The following KCNK2 variants were observed in gnomAD, a reference collection of about 807,000 sequenced individuals.
The protein encoded by KCNK2 is potassium channel subfamily K member 2.
A neutral mutation model predicts 40.5 loss-of-function variants in KCNK2; 21 were observed. That is an observed-to-expected ratio of 0.52 (90% CI 0.37 to 0.75). KCNK2 has a LOEUF of 0.75. KCNK2 is among the 30% of genes least tolerant of loss of function. KCNK2 has a pLI of 0.00. For synonymous variants in KCNK2, 191 were observed against 202.2 expected (o/e 0.94, Z 0.47); for missense variants, 399 against 531.6 (o/e 0.75, Z 2.45).
chr1:215,161,976 G>T (rs1663219043), intron 3 of KCNK2, among the ~76,000 whole-genome samples: 1 of 152,086 alleles, frequency 6.6e-6, no homozygotes, highest in African/African-American at 2.4e-5. Flanking sequence ...GGTATTTCTG[G>T]TTCTAGATCC....
rs538476962 is a variant in KCNK2, at chr1:215,021,537, C to CTTTTTTTTT, written c.34+15600_34+15608dup. Among the ~76,000 whole-genome samples the CTTTTTTTTT allele has an allele frequency of 3.8e-4, 37 of 96,322 alleles. 2 individuals are homozygous for CTTTTTTTTT. The highest frequency in any genetic ancestry group is 1.6e-3 in the African/African-American group (36 of 22,554). The allele number at this position is 96,322 out of a possible 152,430, so 63.2% of individuals were successfully genotyped here. A position where few individuals can be genotyped will look rare whatever the true frequency, so the allele number is the denominator to read the frequency against. ...TCTCTTCTGGAGCTGGGACAACCATCTTTTTTTTTTTTTTTTTTTTTTTTT... is the reference window on the plus strand; with the variant it reads ...TCTCTTCTGGAGCTGGGACAACCATCTTTTTTTTTTTTTTTTTTTTTTTTTTTTTTTTTT... On this transcript the variant is annotated intron_variant, in intron 1 of 6. Transcript: ENST00000391895.
intron 1 of KCNK2, among the ~76,000 whole-genome samples, chr1:215,021,680 G>A (rs1656799934): frequency 6.6e-6 from 1 of 151,706 alleles, no homozygotes; most frequent in Non-Finnish European, 1.5e-5. Context: ...CGATTAACTG[G>A]GACTACAGGC....
At chr1:215,138,944 A>T (rs551876718) in intron 3 of KCNK2, among the ~76,000 whole-genome samples, 2 of 152,328 alleles carry the variant, frequency 1.3e-5, no homozygotes, top group South Asian at 4.1e-4. Context: ...GCAACTTAAG[A>T]TAGGTGCTTT....
chr1:215,083,199 C>CCCAA lies in KCNK2; in HGVS notation c.-185_-184insAACC. 1.5e-6 allele frequency: 1 copy of CCCAA among 685,072 alleles called. No homozygotes were observed. Among genetic ancestry groups the CCCAA allele is most frequent in the Non-Finnish European group, 2.4e-6 (1 of 418,386 alleles). The allele number at this position is 685,072 out of a possible 1,614,324, so 42.4% of individuals were successfully genotyped here. On this transcript the variant is annotated 5_prime_UTR_variant, in exon 1 of 7. Transcript: ENST00000444842. ...GATTTCGTTTCTTCTCACGCTCCCC[C>CCCAA]CCCCGCCCCCTCCCGCGTCCAGCCC...
intron 2 of KCNK2, among the ~76,000 whole-genome samples, chr1:215,110,966 A>C (rs1468109017): frequency 6.6e-6 from 1 of 152,170 alleles, no homozygotes; most frequent in African/African-American, 2.4e-5. Flanking sequence ...CCTAAAGAAT[A>C]GTTTCACTGC....
intron 3 of KCNK2, among the ~76,000 whole-genome samples, chr1:215,142,590 G>A (rs1162539006): frequency 6.6e-6 from 1 of 152,014 alleles, no homozygotes; most frequent in African/African-American, 2.4e-5. Flanking sequence ...CTTTGGATTG[G>A]TGTTTCTAAT....
In KCNK2 at chr1:215,007,037, A is replaced by ATGTGTGTGTGTGTGTGTGTG. The variant is rs1214318973; in HGVS notation, c.34+1095_34+1096insGTGTGTGTGTGTGTGTGTGT. On this transcript the variant is annotated intron_variant, in intron 1 of 6. Coordinates refer to the KCNK2 transcript ENST00000391895. ...TATATATATATATATATATATATAT[A>ATGTGTGTGTGTGTGTGTGTG]TGTGTGTGTGTGTATATATATATGT... 2.9e-4 allele frequency among the ~76,000 whole-genome samples: 15 copies of ATGTGTGTGTGTGTGTGTGTG among 51,554 alleles called. No homozygotes were observed. The East Asian group carries it at 4.3e-3, about 15-fold the overall frequency. 33.8% of individuals were successfully genotyped at this position (51,554 alleles called of 152,430 possible).
rs1265329554 is a variant in KCNK2, at chr1:215,005,943, AG to A, written c.25del (p.Asp9IlefsTer45). ...CCAAATGATGAACCCACGAGCAAAA[AG>A]GGATTTCTACTGTGAGTATCTTTGC... On this transcript the variant is annotated frameshift_variant, in exon 1 of 7. Transcript: ENST00000391895. LOFTEE classifies it high-confidence loss of function. The A allele has an allele frequency of 6.2e-7, 1 of 1,613,340 alleles. No homozygotes were observed. The highest frequency in any genetic ancestry group is 8.5e-7 in the Non-Finnish European group (1 of 1,179,366).
intron 1 of KCNK2, among the ~76,000 whole-genome samples, chr1:215,021,673 T>G (rs2802647): frequency 0.44 from 66,190 of 150,476 alleles, 16,112 homozygotes; most frequent in Non-Finnish European, 0.55. Flanking sequence ...AGCCTCCCGA[T>G]TAACTGGGAC....
intron 1 of KCNK2, among the ~76,000 whole-genome samples, chr1:215,018,314 A>G (rs1420346703): frequency 6.6e-6 from 1 of 152,208 alleles, no homozygotes; most frequent in Non-Finnish European, 1.5e-5. Flanking sequence ...CCAAGTGTGG[A>G]TCAAGAAATG....
intron 1 of KCNK2, among the ~76,000 whole-genome samples, chr1:215,071,270 A>G (rs1323894525): frequency 6.6e-6 from 1 of 152,202 alleles, no homozygotes; most frequent in Admixed American, 6.5e-5. Flanking sequence ...ACCCTGAATC[A>G]ACATTTTGTC....
chr1:215,210,046 A>T (rs796093721), intron 6 of KCNK2, among the ~76,000 whole-genome samples: 1 of 76,304 alleles, frequency 1.3e-5, no homozygotes, highest in East Asian at 4.3e-4. Flanking sequence ...TATATATAAT[A>T]TATATATACA....
intron 1 of KCNK2, among the ~76,000 whole-genome samples, chr1:215,024,149 T>A (rs1314194865): frequency 6.6e-6 from 1 of 152,166 alleles, no homozygotes; most frequent in East Asian, 1.9e-4. Flanking sequence ...GTGGAGCAAG[T>A]GCTTCTGCAC....
upstream of KCNK2, among the ~76,000 whole-genome samples, chr1:215,081,574 A>G (rs1659155890): frequency 6.6e-6 from 1 of 152,070 alleles, no homozygotes; most frequent in Non-Finnish European, 1.5e-5. Flanking sequence ...TTTGCAAAAG[A>G]TTTACAAGCT....
chr1:215,088,723 C>A (rs754673804), intron 2 of KCNK2, among the ~76,000 whole-genome samples: 10 of 152,184 alleles, frequency 6.6e-5, no homozygotes, highest in Non-Finnish European at 1.3e-4. Flanking sequence ...TAGGAGCAAT[C>A]TGGTGGTGAA....
intron 1 of KCNK2, among the ~76,000 whole-genome samples, chr1:215,045,202 CAAAA>C (rs1221869195): frequency 2.9e-5 from 1 of 34,460 alleles, no homozygotes; most frequent in Non-Finnish European, 8.1e-5. Context: ...AACAAACAAA[CAAAA>C]ACCAAAAAAA....
intron 1 of KCNK2, among the ~76,000 whole-genome samples, chr1:215,035,249 T>G (rs1657344985): frequency 6.6e-6 from 1 of 152,152 alleles, no homozygotes; most frequent in Non-Finnish European, 1.5e-5. Flanking sequence ...TGCTATCCTG[T>G]CAACCCCTGA....
Position 215,082,790 on chromosome 1 carries a change from G to A in KCNK2, c.-596G>A, listed in dbSNP as rs1659219953. On this transcript the variant is annotated 5_prime_UTR_variant, in exon 1 of 7. Transcript: ENST00000444842. ...GAGCCGGGAAGGGAGAGCAGCGGAG[G>A]GCTGCAGAGCTGCGGGCGCCCGGAC... Among the ~76,000 whole-genome samples, 1 of 152,040 alleles carries A rather than the reference G, an allele frequency of 6.6e-6. No individual in the cohort carries two copies. The highest frequency in any genetic ancestry group is 1.5e-5 in the Non-Finnish European group (1 of 67,988).
chr1:215,082,732 G>C (rs541727012), upstream of KCNK2, among the ~76,000 whole-genome samples: 2 of 152,068 alleles, frequency 1.3e-5, no homozygotes, highest in South Asian at 4.1e-4. Context: ...GTTCCGAAAG[G>C]AGGGAAACGA....
Sources: allele counts gnomAD v4.1 joint callset (sites outside exome capture counted in the v4.1 genomes callset), GRCh38; gene constraint gnomAD v4.1.1; transcripts MANE v1.5; gene names NCBI Gene and HGNC (gene_info 2026-07-23, HGNC 2026-07-21).